The following CFAP206 variants were observed in gnomAD, a reference collection of about 807,000 sequenced individuals.
CFAP206 encodes cilia- and flagella-associated protein 206.
In CFAP206, 53 loss-of-function variants were observed where a neutral mutation model predicts 65.4. The observed-to-expected ratio is 0.81, with a 90% CI of 0.65 to 1.02. The LOEUF is 1.02. Among genes scored for constraint, CFAP206 ranks in the 50% least tolerant of loss-of-function variants. The pLI, the probability that CFAP206 is intolerant of heterozygous loss-of-function variation, is 0.00. For missense variants in CFAP206, 663 were observed against 753.2 expected (o/e 0.88, Z 1.40); for synonymous variants, 250 against 254.4 (o/e 0.98, Z 0.17).
chr6:87,419,854 A>G (rs1378363945), intron 7 of CFAP206, among the ~76,000 whole-genome samples: 2 of 152,162 alleles, frequency 1.3e-5, no homozygotes, highest in Non-Finnish European at 2.9e-5. Context: ...CTGAGGTTAG[A>G]GAACTGCTTG....
chr6:87,441,502 C>CT (rs1279916514), intron 11 of CFAP206: 6 of 159,708 alleles, frequency 3.8e-5, no homozygotes, highest in African/African-American at 1.4e-4. Context: ...AAGGATTTAA[C>CT]AGTGTGGCAG....
chr6:87,437,376 G>GTT (rs59385585), intron 11 of CFAP206, among the ~76,000 whole-genome samples: 30 of 150,478 alleles, frequency 2.0e-4, no homozygotes, highest in East Asian at 1.4e-3. Flanking sequence ...AACTTTTGCC[G>GTT]TTTTTTTTTC....
chr6:87,422,788 A>T (rs1032889915), intron 7 of CFAP206, among the ~76,000 whole-genome samples: 1 of 151,966 alleles, frequency 6.6e-6, no homozygotes, highest in Non-Finnish European at 1.5e-5. Context: ...AAACAACTCC[A>T]GATGATTGTG....
rs1768785583 is a variant in CFAP206, at chr6:87,464,072, TGAGAA to T, written c.1697_1701del (p.Arg566LysfsTer12). The T allele has an allele frequency of 6.2e-7, 1 of 1,613,674 alleles. No individual in the cohort carries two copies. Among genetic ancestry groups the T allele is most frequent in the East Asian group, 2.2e-5 (1 of 44,880 alleles). ...TCAGTACAAACTGATCTTAGTCACT[TGAGAA>T]GAGAAAATTGTTCCCAAGTGTACCC... On this transcript the variant is annotated frameshift_variant, in exon 13 of 13. Transcript: ENST00000369562. LOFTEE classifies it low-confidence loss of function (END_TRUNC).
chr6:87,443,761 C>T (rs1471803276), intron 11 of CFAP206, among the ~76,000 whole-genome samples: 1 of 152,006 alleles, frequency 6.6e-6, no homozygotes, highest in East Asian at 1.9e-4. Context: ...GTTTTTCAGC[C>T]CTTGCCCTCC....
intron 12 of CFAP206, among the ~76,000 whole-genome samples, chr6:87,463,666 A>G (rs1335715026): frequency 6.6e-6 from 1 of 152,206 alleles, no homozygotes; most frequent in Non-Finnish European, 1.5e-5. Flanking sequence ...ATTTTTGTTA[A>G]AAGAAAACAA....
intron 11 of CFAP206, among the ~76,000 whole-genome samples, chr6:87,439,388 A>G (rs1459699882): frequency 6.6e-6 from 1 of 151,912 alleles, no homozygotes; most frequent in East Asian, 1.9e-4. Context: ...ATTTTGCCCA[A>G]TTTTCTGTTA....
At chr6:87,450,549 A>G (rs1324988067) in intron 11 of CFAP206, among the ~76,000 whole-genome samples, 2 of 146,570 alleles carry the variant, frequency 1.4e-5, no homozygotes, top group Admixed American at 7.0e-5. Context: ...CTTACCACAA[A>G]AAGTCTCAAA....
intron 7 of CFAP206, among the ~76,000 whole-genome samples, chr6:87,422,045 G>A (rs1289551688): frequency 6.6e-6 from 1 of 152,184 alleles, no homozygotes; most frequent in Non-Finnish European, 1.5e-5. Flanking sequence ...GGGGGAAGGG[G>A]AAGAAGACAA....
At chr6:87,437,299 T>A (rs1768284264) in intron 11 of CFAP206, among the ~76,000 whole-genome samples, 1 of 152,184 alleles carries the variant, frequency 6.6e-6, no homozygotes, top group Admixed American at 6.5e-5. Context: ...ATTTTTCTGA[T>A]AGTGATGTTT....
chr6:87,418,235 C>T lies in CFAP206; in HGVS notation c.659C>T (p.Pro220Leu), dbSNP rs267601153. 3.3e-5 allele frequency: 54 copies of T among 1,614,062 alleles called. No individual in the cohort carries two copies. The highest frequency in any genetic ancestry group is 4.6e-5 in the Non-Finnish European group (54 of 1,180,058). Residue 220 changes from proline to leucine, a missense_variant, in exon 7 of 13, where the codon CCA (proline) becomes CTA (leucine). Physicochemically the swap from Pro to Leu is moderately conservative, Grantham distance 98. Transcript: ENST00000369562. ...CCAGCTGTTCTCCATGTAGCAATCC[C>T]AGCCACCATGCAGCATATTGATTAC... ...DLPAVLHVAI[P>L]ATMQHIDYQL...
intron 11 of CFAP206, among the ~76,000 whole-genome samples, chr6:87,457,497 A>G (rs1028340726): frequency 1.3e-5 from 2 of 152,182 alleles, no homozygotes; most frequent in African/African-American, 4.8e-5. Context: ...AGAATAGATA[A>G]CCCAGAAATA....
At position 87,464,214 on chromosome 6, in the gene CFAP206, C is replaced by G. The variant is rs764409905; in HGVS notation, c.1833C>G (p.Val611=). ...RGGKSEITDE[V]KVNLTRDVDE... is the part of the protein sequence containing the mutation. ...GAAAGAGCGAAATCACCGATGAGGT[C>G]AAGGTGAACTTAACTAGAGATGTGG... Residue 611 remains valine (V), a synonymous_variant, in exon 13 of 13, where the codon GTC becomes GTG. Coordinates refer to ENST00000369562, the MANE Select transcript of CFAP206 (RefSeq NM_001031743.3). 9 of 1,613,988 alleles carry G rather than the reference C, an allele frequency of 5.6e-6. 1 individual carries two copies. The South Asian group carries it at 9.9e-5, about 18-fold the overall frequency.
rs575546284 is a variant in CFAP206 at position 87,411,704 on chromosome 6, T to G, written c.192+1036T>G. Among the ~76,000 whole-genome samples, 5 of 152,300 alleles carry G rather than the reference T, an allele frequency of 3.3e-5. No individual in the cohort carries two copies. In the South Asian group the frequency reaches 8.3e-4, roughly 25 times the overall value. On this transcript the variant is annotated intron_variant, in intron 3 of 12. Transcript: ENST00000369562. ...TTAATTTTTGTATATGGTGAGACAT[T>G]GGGATGGGTTTCATTCTTCTGCATA...
intron 11 of CFAP206, chr6:87,444,710 T>A (rs1015735441): frequency 2.8e-6 from 1 of 356,246 alleles, no homozygotes; most frequent in African/African-American, 2.2e-5. Context: ...TTTTTAACTA[T>A]TTTTTCTTTG....
chr6:87,428,323 G>T, intron 8 of CFAP206, among the ~76,000 whole-genome samples: 1 of 149,872 alleles, frequency 6.7e-6, no homozygotes. Context: ...TTTTTCCCTT[G>T]GTTTTTTGAG....
At position 87,450,571 on chromosome 6, in the gene CFAP206, C is replaced by CAAA. The variant is rs10678289; in HGVS notation, c.1495-10439_1495-10437dup. On this transcript the variant is annotated intron_variant, in intron 11 of 12. Transcript: ENST00000369562. ...CAAAAAGTCTCAAAGCTACTTATGGCAAAAAAAAAAAAAAGGTATGTTTCA... is the reference window on the plus strand; with the variant it reads ...CAAAAAGTCTCAAAGCTACTTATGGCAAAAAAAAAAAAAAAAAGGTATGTTTCA... 2.8e-3 allele frequency among the ~76,000 whole-genome samples: 341 copies of CAAA among 120,892 alleles called. 9 individuals are homozygous for CAAA. The highest frequency in any genetic ancestry group is 8.9e-3 in the African/African-American group (290 of 32,744). The allele number at this position is 120,892 out of a possible 152,430, so 79.3% of individuals were successfully genotyped here.
At position 87,464,151 on chromosome 6, in the gene CFAP206, GCCCAGGCCTCAGATTTACTTGGCT is replaced by G; in HGVS notation, c.1771_1794del (p.Pro591_Ala598del). 1 of 1,614,184 alleles carries G rather than the reference GCCCAGGCCTCAGATTTACTTGGCT, an allele frequency of 6.2e-7. No individual in the cohort carries two copies. The highest frequency in any genetic ancestry group is 8.5e-7 in the Non-Finnish European group (1 of 1,180,018). On this transcript the variant is annotated inframe_deletion, in exon 13 of 13. Transcript: ENST00000369562. Reference sequence around the variant, plus strand: ...CCATGAGGGAAGACAGCACTGGGGTGCCCAGGCCTCAGATTTACTTGGCTGGTCTTCGTGGAGGAAAGAGCGAAA... The same window carrying G: ...CCATGAGGGAAGACAGCACTGGGGTGGGTCTTCGTGGAGGAAAGAGCGAAA...
intron 7 of CFAP206, among the ~76,000 whole-genome samples, chr6:87,419,115 AC>A (rs1325564662): frequency 4.2e-4 from 63 of 149,796 alleles, no homozygotes; most frequent in African/African-American, 1.3e-3. Context: ...ACTCAAAAAA[AC>A]GTTTGTTTTT....
Sources: allele counts gnomAD v4.1 joint callset (sites outside exome capture counted in the v4.1 genomes callset), GRCh38; gene constraint gnomAD v4.1.1; transcripts MANE v1.5; gene names NCBI Gene and HGNC (gene_info 2026-07-23, HGNC 2026-07-21).